The following GPC6 variants were observed in gnomAD, a reference collection of about 807,000 sequenced individuals.
The protein encoded by GPC6 is glypican-6.
GPC6 carries 14 observed loss-of-function variants against 55.2 expected under a neutral mutation model. The ratio of observed to expected loss-of-function variants is 0.25; its 90% CI spans 0.17 to 0.40. The LOEUF (loss-of-function observed/expected upper bound fraction) is 0.40, where lower values mean the gene tolerates loss of function less well. Ranked by LOEUF, GPC6 falls within the 10% of genes least tolerant of loss-of-function variation. The pLI, the probability that GPC6 is intolerant of heterozygous loss-of-function variation, is 1.00. For synonymous variants in GPC6, 278 were observed against 259.6 expected, an observed-to-expected ratio of 1.07 and a Z score of -0.68; for missense variants, 641 against 708.5, an observed-to-expected ratio of 0.90 and a Z score of 1.08.
chr13:93,789,341 A>G (rs1885917429), intron 2 of GPC6, among the ~76,000 whole-genome samples: 1 of 151,516 alleles, frequency 6.6e-6, no homozygotes, highest in African/African-American at 2.4e-5. Flanking sequence ...CTGATCCTAC[A>G]CCATCACTGT....
intron 4 of GPC6, among the ~76,000 whole-genome samples, chr13:94,131,741 G>A (rs1887009008): frequency 6.6e-6 from 1 of 152,084 alleles, no homozygotes; most frequent in Admixed American, 6.6e-5. Flanking sequence ...GCCAAGTTAT[G>A]AACATTGATG....
chr13:94,396,634 T>C (rs1230295885), intron 7 of GPC6, among the ~76,000 whole-genome samples: 1 of 152,154 alleles, frequency 6.6e-6, no homozygotes, highest in Non-Finnish European at 1.5e-5. Context: ...TCTTTAAGGG[T>C]ATTTGGGACT....
At chr13:94,003,726 G>A (rs778060772) in intron 3 of GPC6, among the ~76,000 whole-genome samples, 1 of 152,040 alleles carries the variant, frequency 6.6e-6, no homozygotes, top group South Asian at 2.1e-4. Flanking sequence ...TGTATAGGTC[G>A]AGTGTGGAGT....
chr13:93,912,470 GCA>G (rs1877038155), intron 3 of GPC6, among the ~76,000 whole-genome samples: 7 of 152,134 alleles, frequency 4.6e-5, no homozygotes, highest in Non-Finnish European at 2.9e-5. Context: ...TCGGCCGGGT[GCA>G]GTGGCTCACG....
chr13:94,199,530 G>A (rs2138973788), intron 4 of GPC6, among the ~76,000 whole-genome samples: 1 of 152,262 alleles, frequency 6.6e-6, no homozygotes, highest in South Asian at 2.1e-4. Context: ...GAGGTTTCTG[G>A]TGGGCAAGGT....
chr13:94,007,618 C>T (rs558089014), intron 3 of GPC6, among the ~76,000 whole-genome samples: 1 of 152,194 alleles, frequency 6.6e-6, no homozygotes, highest in Non-Finnish European at 1.5e-5. Flanking sequence ...CGTCCTTTTC[C>T]CCCTTTAAGT....
intron 1 of GPC6, among the ~76,000 whole-genome samples, chr13:93,378,987 T>C (rs1159555913): frequency 1.7e-5 from 2 of 118,076 alleles, no homozygotes; most frequent in Admixed American, 8.7e-5. Flanking sequence ...AAAGCAAAAC[T>C]CCATCTCAGA....
intron 1 of GPC6, among the ~76,000 whole-genome samples, chr13:93,496,521 C>T (rs977790595): frequency 6.6e-6 from 1 of 152,194 alleles, no homozygotes; most frequent in Non-Finnish European, 1.5e-5. Flanking sequence ...TCCTATTCGG[C>T]CATCTTGGCT....
At chr13:93,523,341 A>G (rs1881512560) in intron 1 of GPC6, among the ~76,000 whole-genome samples, 1 of 149,946 alleles carries the variant, frequency 6.7e-6, no homozygotes, top group South Asian at 2.1e-4. Flanking sequence ...ATGCATGTGT[A>G]TATGTATATA....
chr13:93,968,383 T>C (rs1462055622), intron 3 of GPC6, among the ~76,000 whole-genome samples: 2 of 152,216 alleles, frequency 1.3e-5, no homozygotes, highest in African/African-American at 4.8e-5. Context: ...AATCACTTAA[T>C]TCTGTTTCTA....
chr13:93,758,275 A>T (rs908173593), intron 2 of GPC6, among the ~76,000 whole-genome samples: 6 of 152,200 alleles, frequency 3.9e-5, no homozygotes, highest in Admixed American at 1.3e-4. Flanking sequence ...AACAGTTCAC[A>T]GTAGAGGGAG....
chr13:93,569,735 G>T (rs1271601770), intron 2 of GPC6, among the ~76,000 whole-genome samples: 1 of 151,882 alleles, frequency 6.6e-6, no homozygotes, highest in Non-Finnish European at 1.5e-5. Flanking sequence ...TCTTTTATTT[G>T]TTAAATGTTA....
chr13:93,506,615 G>A (rs1246906762), intron 1 of GPC6, among the ~76,000 whole-genome samples: 2 of 152,010 alleles, frequency 1.3e-5, no homozygotes, highest in African/African-American at 2.4e-5. Context: ...TACCCTAGAG[G>A]TCTTATAATT....
intron 2 of GPC6, among the ~76,000 whole-genome samples, chr13:93,613,249 A>C (rs1322646450): frequency 6.6e-6 from 1 of 152,172 alleles, no homozygotes; most frequent in African/African-American, 2.4e-5. Context: ...TAAAGAAATG[A>C]GTAAAACAGC....
At chr13:94,065,035 A>G (rs779137858) in intron 4 of GPC6, among the ~76,000 whole-genome samples, 2 of 152,184 alleles carry the variant, frequency 1.3e-5, no homozygotes, top group Non-Finnish European at 2.9e-5. Context: ...TAAACACCTA[A>G]GTAAATGTGG....
chr13:93,511,015 T>A (rs1352611465), intron 1 of GPC6, among the ~76,000 whole-genome samples: 3 of 27,834 alleles, frequency 1.1e-4, no homozygotes, highest in Admixed American at 3.8e-4. Context: ...ATTCATGTCC[T>A]TTGGCCATTT....
intron 2 of GPC6, among the ~76,000 whole-genome samples, chr13:93,780,678 C>G (rs1319803367): frequency 6.6e-6 from 1 of 151,362 alleles, no homozygotes; most frequent in Admixed American, 6.6e-5. Flanking sequence ...AAGGTTACTC[C>G]TATTAAAGGT....
intron 4 of GPC6, among the ~76,000 whole-genome samples, chr13:94,180,609 G>A (rs1428418398): frequency 1.3e-5 from 2 of 152,062 alleles, no homozygotes; most frequent in Non-Finnish European, 2.9e-5. Context: ...TGTGATAAGT[G>A]GCCTTCTTCT....
intron 1 of GPC6, among the ~76,000 whole-genome samples, chr13:93,386,098 TAAAAA>T (rs34852109): frequency 8.6e-5 from 11 of 127,756 alleles, no homozygotes; most frequent in South Asian, 2.5e-4. Context: ...ACCACTTTGT[TAAAAA>T]AAAAAAAAAA....
Sources: gnomAD v4.1 joint callset for allele counts (sites outside exome capture counted in the v4.1 genomes callset) on GRCh38, gnomAD v4.1.1 for gene constraint, MANE v1.5 for transcripts, NCBI Gene and HGNC (gene_info 2026-07-23, HGNC 2026-07-21) for gene names.